The following NAV3 variants were observed in gnomAD, a reference collection of about 807,000 sequenced individuals.
The protein encoded by NAV3 is neuron navigator 3, also known as pore membrane and/or filament interacting like protein 1.
Under a neutral mutation model 244.7 loss-of-function variants are expected in NAV3, and 87 were observed. The observed-to-expected ratio is 0.36, with a 90% confidence interval of 0.30 to 0.42. NAV3 has a LOEUF of 0.42. Among genes scored for constraint, NAV3 ranks in the 20% least tolerant of loss-of-function variants. NAV3 has a pLI of 1.00. For missense variants in NAV3, 2,663 were observed against 2,893.3 expected, an observed-to-expected ratio of 0.92 and a Z score of 1.83; for synonymous variants, 1,126 against 1,042.2, an observed-to-expected ratio of 1.08 and a Z score of -1.55.
intron 1 of NAV3, among the ~76,000 whole-genome samples, chr12:77,881,037 T>C (rs543300256): frequency 2.0e-5 from 3 of 152,308 alleles, no homozygotes; most frequent in Admixed American, 6.5e-5. Flanking sequence ...AGAACCATCA[T>C]AGTGCATTAC....
chr12:77,929,338 C>G (rs1296962408), intron 1 of NAV3, among the ~76,000 whole-genome samples: 3 of 152,126 alleles, frequency 2.0e-5, no homozygotes, highest in Admixed American at 1.3e-4. Flanking sequence ...ATTAGCCTGT[C>G]AAAGCCACCA....
chr12:77,611,350 G>A (rs1215157729), intron 2 of NAV3, among the ~76,000 whole-genome samples: 1 of 151,872 alleles, frequency 6.6e-6, no homozygotes, highest in African/African-American at 2.4e-5. Flanking sequence ...AGATTTTTAT[G>A]TCTTCACTTT....
intron 2 of NAV3, among the ~76,000 whole-genome samples, chr12:77,618,706 T>C (rs970273038): frequency 4.7e-4 from 72 of 152,318 alleles, no homozygotes; most frequent in African/African-American, 1.7e-3. Flanking sequence ...TGAATATTAC[T>C]TTTATGTCAG....
intron 2 of NAV3, among the ~76,000 whole-genome samples, chr12:77,599,533 T>A (rs957097866): frequency 6.6e-6 from 1 of 151,904 alleles, no homozygotes; most frequent in Admixed American, 6.6e-5. Flanking sequence ...TTTAATACCA[T>A]GATCTCACTG....
At chr12:77,874,344 A>T (rs1321175759) in intron 1 of NAV3, among the ~76,000 whole-genome samples, 1 of 151,970 alleles carries the variant, frequency 6.6e-6, no homozygotes, top group Non-Finnish European at 1.5e-5. Context: ...TCAGCCTCCC[A>T]AGTAGCCAGG....
chr12:78,027,952 T>G (rs959315066), intron 9 of NAV3, among the ~76,000 whole-genome samples: 2 of 151,632 alleles, frequency 1.3e-5, no homozygotes, highest in African/African-American at 4.9e-5. Flanking sequence ...CGTTTTTTTT[T>G]GTTTTGTTTT....
At chr12:77,851,545 TA>T (rs1877527906) in intron 1 of NAV3, among the ~76,000 whole-genome samples, 1 of 56,086 alleles carries the variant, frequency 1.8e-5, no homozygotes, top group Non-Finnish European at 6.4e-5. Flanking sequence ...TTTTCAATAA[TA>T]TTAAGCAATC....
At chr12:77,750,228 C>T (rs1275045839) in intron 2 of NAV3, among the ~76,000 whole-genome samples, 1 of 152,126 alleles carries the variant, frequency 6.6e-6, no homozygotes, top group African/African-American at 2.4e-5. Flanking sequence ...TGGTGGGTGC[C>T]TGTAGTCCCA....
chr12:77,661,405 C>A (rs1873440618), intron 2 of NAV3, among the ~76,000 whole-genome samples: 1 of 151,948 alleles, frequency 6.6e-6, no homozygotes, highest in South Asian at 2.1e-4. Context: ...GATATTTTGC[C>A]ATTTTGAATT....
At chr12:77,745,750 G>A (rs1868503852) in intron 2 of NAV3, among the ~76,000 whole-genome samples, 4 of 151,984 alleles carry the variant, frequency 2.6e-5, no homozygotes, top group South Asian at 4.1e-4. Flanking sequence ...GTGAGGTCTC[G>A]TTGAGGTTAC....
Position 78,122,200 on chromosome 12 carries a change from A to T in NAV3, c.4010A>T (p.His1337Leu), listed in dbSNP as rs1593675298. The T allele has an allele frequency of 6.2e-7, 1 of 1,613,248 alleles. No individual in the cohort carries two copies. The highest frequency in any genetic ancestry group is 8.5e-7 in the Non-Finnish European group (1 of 1,179,816). Residue 1337 changes from histidine to leucine, a missense_variant, in exon 16 of 40, where the codon CAC becomes CTC. Physicochemically the swap from His to Leu is moderately conservative, Grantham distance 99. Coordinates refer to ENST00000397909, the MANE Select transcript of NAV3 (RefSeq NM_001024383.2). Reference sequence around the variant, plus strand: ...TTGGCCTCCAGCCCAGCATCGGTTCACTCTTTCACATCAGGTGGTCTCGTG... The same window carrying T: ...TTGGCCTCCAGCCCAGCATCGGTTCTCTCTTTCACATCAGGTGGTCTCGTG... ...HSLASSPASV[H>L]SFTSGGLVWA...
chr12:77,772,171 G>C (rs1490140230), intron 2 of NAV3, among the ~76,000 whole-genome samples: 1 of 152,066 alleles, frequency 6.6e-6, no homozygotes, highest in African/African-American at 2.4e-5. Flanking sequence ...CTTGGTCCAG[G>C]TAACAGTGCT....
intron 1 of NAV3, among the ~76,000 whole-genome samples, chr12:77,919,377 A>G (rs1887482092): frequency 1.3e-5 from 2 of 152,058 alleles, no homozygotes. Context: ...AGAAAGCTCA[A>G]TTGTATGTTA....
chr12:77,691,594 A>G (rs140030938), intron 2 of NAV3, among the ~76,000 whole-genome samples: 141 of 151,534 alleles, frequency 9.3e-4, no homozygotes, highest in African/African-American at 3.3e-3. Context: ...AAAATACTTG[A>G]TATGAATGAC....
In NAV3 at chr12:78,127,253, TA is replaced by T. The variant is rs772366118; in HGVS notation, c.4280+48del. On this transcript the variant is annotated intron_variant, in intron 17 of 39. Transcript: ENST00000397909. ...CAATTGCTACCTCTCTGTTGTTATG[TA>T]AACTTTGTGTGCTGTCTCTCTTCCT... is the stretch of plus-strand genomic sequence containing the variant. 3 of 1,574,068 alleles carry T rather than the reference TA, an allele frequency of 1.9e-6. No homozygotes were observed. The South Asian group carries it at 3.4e-5, about 18-fold the overall frequency.
At chr12:77,881,735 T>G (rs1882672394) in intron 1 of NAV3, among the ~76,000 whole-genome samples, 2 of 152,116 alleles carry the variant, frequency 1.3e-5, no homozygotes, top group South Asian at 4.1e-4. Context: ...AAGTTCAGGA[T>G]AGAAAGTCAA....
At chr12:77,724,307 TA>T (rs1565787504) in intron 2 of NAV3, among the ~76,000 whole-genome samples, 1 of 151,996 alleles carries the variant, frequency 6.6e-6, no homozygotes, top group Admixed American at 6.6e-5. Context: ...ATAGAAATGT[TA>T]AAAAACTTTC....
chr12:77,630,437 T>C (rs2136914864), intron 2 of NAV3, among the ~76,000 whole-genome samples: 1 of 152,344 alleles, frequency 6.6e-6, no homozygotes, highest in South Asian at 2.1e-4. Flanking sequence ...TTTAGTTTCC[T>C]GGGTTTAATC....
Position 78,177,216 on chromosome 12 carries a change from G to A in NAV3, c.5200G>A (p.Glu1734Lys). ...KPPSSHSDIE[E>K]LTDSSLPASP... ...TCCTTCATCACATTCTGACATTGAA[G>A]AGCTTACTGATTCATCCCTTCCGGC... is the stretch of plus-strand genomic sequence containing the variant. The change falls in exon 27 of 40, where the codon GAG becomes AAG. Residue 1734 changes from glutamate to lysine, a missense_variant. Physicochemically the swap from Glu to Lys is moderately conservative, Grantham distance 56. Coordinates refer to ENST00000397909, the MANE Select transcript of NAV3 (RefSeq NM_001024383.2). 4.3e-6 allele frequency: 7 copies of A among 1,613,508 alleles called. No individual in the cohort carries two copies. Among genetic ancestry groups the A allele is most frequent in the Non-Finnish European group, 5.9e-6 (7 of 1,179,618 alleles).
Sources: allele counts gnomAD v4.1 joint callset (sites outside exome capture counted in the v4.1 genomes callset), GRCh38; gene constraint gnomAD v4.1.1; transcripts MANE v1.5; gene names NCBI Gene and HGNC (gene_info 2026-07-23, HGNC 2026-07-21).